Variants in CFAP299 observed in about 807,000 individuals in gnomAD.
CFAP299 encodes cilia and flagella associated protein 299.
Under a neutral mutation model 27.0 loss-of-function variants are expected in CFAP299, and 21 were observed. The ratio of observed to expected loss-of-function variants is 0.78; its 90% CI spans 0.55 to 1.12. The LOEUF (loss-of-function observed/expected upper bound fraction) is 1.12. Ranked by LOEUF, CFAP299 falls within the 50% of genes most tolerant of loss-of-function variation. CFAP299 has a pLI of 0.00. For missense variants in CFAP299, 310 were observed against 276.6 expected (o/e 1.12, Z -0.86); for synonymous variants, 104 against 98.1 (o/e 1.06, Z -0.36).
chr4:80,861,790 C>G (rs1732385056), intron 3 of CFAP299, among the ~76,000 whole-genome samples: 1 of 152,090 alleles, frequency 6.6e-6, no homozygotes, highest in African/African-American at 2.4e-5. Flanking sequence ...ATTGCCTGCA[C>G]AATAGCTAAT....
intron 2 of CFAP299, among the ~76,000 whole-genome samples, chr4:80,421,986 T>A (rs1284097619): frequency 2.0e-5 from 3 of 152,208 alleles, no homozygotes; most frequent in Non-Finnish European, 4.4e-5. Context: ...GACAAATGAA[T>A]GTCAAGGGTA....
intron 4 of CFAP299, among the ~76,000 whole-genome samples, chr4:80,873,750 G>A (rs79833277): frequency 3.3e-5 from 5 of 152,112 alleles, no homozygotes; most frequent in African/African-American, 4.8e-5. Flanking sequence ...TATAAGCTCC[G>A]CATATATTTG....
chr4:80,413,163 G>C (rs1726815183), intron 2 of CFAP299, among the ~76,000 whole-genome samples: 1 of 152,208 alleles, frequency 6.6e-6, no homozygotes, highest in African/African-American at 2.4e-5. Context: ...CTTAACTGGA[G>C]TGGGTTTAAC....
At chr4:80,337,944 A>G (rs898445464) in intron 1 of CFAP299, among the ~76,000 whole-genome samples, 2 of 152,186 alleles carry the variant, frequency 1.3e-5, no homozygotes, top group African/African-American at 4.8e-5. Context: ...CTAGAGATCT[A>G]CATTCTCAAA....
At chr4:80,949,852 C>T (rs1409020055) in intron 5 of CFAP299, among the ~76,000 whole-genome samples, 1 of 152,050 alleles carries the variant, frequency 6.6e-6, no homozygotes, top group Non-Finnish European at 1.5e-5. Context: ...TGCCAAGCAT[C>T]TTGTGCAGAG....
chr4:80,435,292 A>G (rs1013015531), intron 2 of CFAP299, among the ~76,000 whole-genome samples: 17 of 152,316 alleles, frequency 1.1e-4, no homozygotes, highest in Middle Eastern at 3.4e-3. Context: ...GATAGCCTGA[A>G]TGTATCTTCC....
chr4:80,550,738 G>A (rs937065745), intron 2 of CFAP299, among the ~76,000 whole-genome samples: 1 of 148,688 alleles, frequency 6.7e-6, no homozygotes, highest in Non-Finnish European at 1.5e-5. Context: ...TATTTTCTAA[G>A]TACTTAAAGG....
chr4:80,661,817 A>C (rs909498279), intron 3 of CFAP299, among the ~76,000 whole-genome samples: 1 of 152,150 alleles, frequency 6.6e-6, no homozygotes, highest in Non-Finnish European at 1.5e-5. Context: ...AATACTGCTG[A>C]ATTCTTTTTC....
intron 5 of CFAP299, among the ~76,000 whole-genome samples, chr4:80,952,007 AG>A (rs1187532997): frequency 6.6e-6 from 1 of 152,022 alleles, no homozygotes; most frequent in Non-Finnish European, 1.5e-5. Flanking sequence ...AGAGTGGGCG[AG>A]GGGTTGGGAG....
intron 3 of CFAP299, among the ~76,000 whole-genome samples, chr4:80,852,976 T>A (rs1421185116): frequency 6.6e-6 from 1 of 152,178 alleles, no homozygotes; most frequent in Non-Finnish European, 1.5e-5. Flanking sequence ...TCTACCTTTA[T>A]GGCCCCTGCA....
At chr4:80,428,661 G>A (rs1727644461) in intron 2 of CFAP299, among the ~76,000 whole-genome samples, 1 of 151,332 alleles carries the variant, frequency 6.6e-6, no homozygotes, top group Non-Finnish European at 1.5e-5. Flanking sequence ...CGAGTAGCTG[G>A]GATTACAGGT....
intron 2 of CFAP299, among the ~76,000 whole-genome samples, chr4:80,472,574 CAAGAA>C (rs1275201851): frequency 6.6e-6 from 1 of 152,012 alleles, no homozygotes; most frequent in Non-Finnish European, 1.5e-5. Flanking sequence ...TTGTGAGGAC[CAAGAA>C]GAGACCCAGA....
rs187362411 is a variant in CFAP299 at position 80,694,605 on chromosome 4, A to G, written c.333+111422A>G. On this transcript the variant is annotated intron_variant, in intron 3 of 5. Transcript: ENST00000358105. ...ATGAATTCAGTTGTTATTTGCTAGA[A>G]TAAAATGGTATTTAATTGATATCTT... 1.0e-3 allele frequency among the ~76,000 whole-genome samples: 156 copies of G among 152,322 alleles called. 1 individual carries two copies. Among genetic ancestry groups the G allele is most frequent in the African/African-American group, 3.6e-3 (148 of 41,572 alleles).
chr4:80,387,207 T>C, intron 2 of CFAP299: 2 of 1,391,014 alleles, frequency 1.4e-6, no homozygotes, highest in African/African-American at 1.4e-5. Context: ...TGGTGCACGC[T>C]CAGGTCGTAC....
intron 3 of CFAP299, among the ~76,000 whole-genome samples, chr4:80,722,056 T>C (rs566740996): frequency 6.6e-6 from 1 of 152,320 alleles, no homozygotes; most frequent in South Asian, 2.1e-4. Flanking sequence ...AGAAAGACTT[T>C]TAAAAATTAT....
chr4:80,737,878 C>T (rs761325484), intron 3 of CFAP299, among the ~76,000 whole-genome samples: 4 of 152,098 alleles, frequency 2.6e-5, no homozygotes, highest in Non-Finnish European at 2.9e-5. Context: ...TATAAACGAT[C>T]CTCTTAGTAC....
chr4:80,752,180 C>G (rs1724971129), intron 3 of CFAP299, among the ~76,000 whole-genome samples: 1 of 152,004 alleles, frequency 6.6e-6, no homozygotes, highest in Non-Finnish European at 1.5e-5. Context: ...GGTAGGCCAT[C>G]TCCTCCACCC....
At chr4:80,461,804 G>A (rs1005753421) in intron 2 of CFAP299, among the ~76,000 whole-genome samples, 6 of 151,874 alleles carry the variant, frequency 4.0e-5, no homozygotes, top group African/African-American at 1.5e-4. Flanking sequence ...TTATTATTTT[G>A]CACTTCACTA....
At chr4:80,368,749 T>C (rs1723976319) in intron 2 of CFAP299, among the ~76,000 whole-genome samples, 1 of 152,232 alleles carries the variant, frequency 6.6e-6, no homozygotes, top group East Asian at 1.9e-4. Context: ...GAATATCATA[T>C]ACTTGAGAAT....
Sources: gnomAD v4.1 joint callset for allele counts (sites outside exome capture counted in the v4.1 genomes callset) on GRCh38, gnomAD v4.1.1 for gene constraint, MANE v1.5 for transcripts, NCBI Gene and HGNC (gene_info 2026-07-23, HGNC 2026-07-21) for gene names.